Variants in ADCY8 observed in about 807,000 individuals in gnomAD.
ADCY8 encodes the protein adenylate cyclase 8, also known as adenylate cyclase type 8.
ADCY8 carries 51 observed loss-of-function variants against 119.7 expected under a neutral mutation model. The observed-to-expected ratio is 0.43, with a 90% CI of 0.34 to 0.54. ADCY8 has a LOEUF of 0.54. ADCY8 is among the 20% of genes least tolerant of loss of function. The pLI, the probability that ADCY8 is intolerant of heterozygous loss-of-function variation, is 0.03. For synonymous variants in ADCY8, 665 were observed against 651.0 expected (o/e 1.02, Z -0.33); for missense variants, 1,383 against 1,598.8 (o/e 0.87, Z 2.30).
At position 130,841,416 on chromosome 8, in the gene ADCY8, C is replaced by A. The variant is rs151131852; in HGVS notation, c.2503-4967G>T. Among the ~76,000 whole-genome samples the A allele has an allele frequency of 8.7e-4, 132 of 152,262 alleles. 2 individuals are homozygous for A. In the East Asian group the frequency reaches 0.025, roughly 29 times the overall value. On this transcript the variant is annotated intron_variant, in intron 11 of 17. Coordinates refer to ENST00000286355, the MANE Select transcript of ADCY8 (RefSeq NM_001115.3). ...ATGTCTGTACTGAAAAAATTGGAAT[C>A]TCATGATATGACAAGGTGTTAAGGG...
chr8:130,816,394 C>T (rs1405670869), intron 13 of ADCY8, among the ~76,000 whole-genome samples: 2 of 151,134 alleles, frequency 1.3e-5, no homozygotes, highest in African/African-American at 4.9e-5. Context: ...CACATGCATG[C>T]ACACACACAT....
chr8:130,810,589 A>G (rs1554602643), intron 14 of ADCY8, among the ~76,000 whole-genome samples: 2 of 152,220 alleles, frequency 1.3e-5, no homozygotes. Context: ...AATAGAATGA[A>G]AGATAATTTT....
chr8:130,927,562 G>T (rs144865716), intron 5 of ADCY8, among the ~76,000 whole-genome samples: 1 of 152,164 alleles, frequency 6.6e-6, no homozygotes, highest in Non-Finnish European at 1.5e-5. Flanking sequence ...TATCTTAATC[G>T]TTTCTTTCGT....
At chr8:131,024,186 C>T (rs187752439) in intron 1 of ADCY8, among the ~76,000 whole-genome samples, 4 of 152,240 alleles carry the variant, frequency 2.6e-5, no homozygotes, top group Admixed American at 2.0e-4. Flanking sequence ...ACCACTGTCG[C>T]GTGTTTGGCA....
At chr8:130,847,606 C>A (rs1238063813) in intron 10 of ADCY8, 93 bp from the exon 11 acceptor site, 3 of 1,076,462 alleles carry the variant, frequency 2.8e-6, no homozygotes, top group Non-Finnish European at 4.1e-6. Flanking sequence ...AGTGTGCTAT[C>A]AGTGGCTGGG....
intron 8 of ADCY8, among the ~76,000 whole-genome samples, chr8:130,882,426 C>T (rs1250230973): frequency 1.3e-5 from 2 of 152,118 alleles, no homozygotes; most frequent in African/African-American, 2.4e-5. Context: ...TGTAAACTCC[C>T]TCTCTGTGCC....
At chr8:130,961,348 G>T (rs139868182) in intron 2 of ADCY8, among the ~76,000 whole-genome samples, 2,689 of 152,076 alleles carry the variant, frequency 0.018, 92 homozygotes, top group African/African-American at 0.06. Context: ...GACCTCAAGT[G>T]ATCCACCCAC....
chr8:130,814,075 G>A lies in ADCY8; in HGVS notation c.2907C>T (p.Asp969=), dbSNP rs1389318982. The change falls in exon 14 of 18, where the codon GAC becomes GAT. Residue 969 remains aspartate, a synonymous_variant. Transcript: ENST00000286355. ...VARHFLEKDR[D]NEELYSQSYD... is the part of the protein sequence containing the mutation. The stretch of plus-strand genomic sequence containing the variant: ...AGACCAGCCCCTGGCTCACCTCATT[G>A]TCTCGGTCCTTCTCTAGGAAATGGC... 6.2e-7 allele frequency: 1 copy of A among 1,614,040 alleles called. No homozygotes were observed. Among genetic ancestry groups the A allele is most frequent in the Admixed American group, 1.7e-5 (1 of 60,016 alleles).
intron 11 of ADCY8, 43 bp from the exon 12 acceptor site, chr8:130,836,492 C>A (rs999960883): frequency 5.7e-6 from 9 of 1,591,452 alleles, no homozygotes; most frequent in Non-Finnish European, 7.7e-6. Context: ...ATGGGGGCAG[C>A]AGTTCCCTCT....
At chr8:130,992,250 TTG>T (rs1259496985) in intron 1 of ADCY8, among the ~76,000 whole-genome samples, 1 of 147,524 alleles carries the variant, frequency 6.8e-6, no homozygotes, top group African/African-American at 2.5e-5. Flanking sequence ...CAGCTAATTT[TTG>T]TATTTTTAGT....
intron 2 of ADCY8, among the ~76,000 whole-genome samples, chr8:130,987,746 G>T (rs1042824393): frequency 4.6e-5 from 7 of 151,842 alleles, no homozygotes; most frequent in Non-Finnish European, 8.8e-5. Context: ...GAATTCATTT[G>T]TCAATGACAC....
At chr8:130,823,479 A>C (rs1028735188) in intron 12 of ADCY8, among the ~76,000 whole-genome samples, 3 of 151,852 alleles carry the variant, frequency 2.0e-5, no homozygotes, top group South Asian at 2.1e-4. Flanking sequence ...GTTGCCAGGG[A>C]CTTAAAACCA....
chr8:131,040,496 T>C lies in ADCY8; in HGVS notation c.-163A>G. 1.2e-6 allele frequency: 1 copy of C among 857,034 alleles called. No homozygotes were observed. Among genetic ancestry groups the C allele is most frequent in the Non-Finnish European group, 1.6e-6 (1 of 624,742 alleles). The allele number at this position is 857,034 out of a possible 1,614,324, so 53.1% of individuals were successfully genotyped here. A position where few individuals can be genotyped will look rare whatever the true frequency, so the allele number is the denominator to read the frequency against. On this transcript the variant is annotated 5_prime_UTR_variant, in exon 1 of 18. Coordinates refer to ENST00000286355, the MANE Select transcript of ADCY8 (RefSeq NM_001115.3). ...GCGCTAGGGCTCCCTGTAGGTCGGG[T>C]CATACTGTGCCCAGGGGCAAAGGGC...
At chr8:130,922,138 C>G (rs1820327297) in intron 5 of ADCY8, among the ~76,000 whole-genome samples, 1 of 152,024 alleles carries the variant, frequency 6.6e-6, no homozygotes, top group Non-Finnish European at 1.5e-5. Context: ...AGCAGTAAGT[C>G]TCTCACTAGA....
intron 7 of ADCY8, among the ~76,000 whole-genome samples, chr8:130,890,310 C>T (rs1819141338): frequency 6.6e-6 from 1 of 152,014 alleles, no homozygotes; most frequent in Admixed American, 6.6e-5. Context: ...TGTAACTAAC[C>T]TGCACGTTGT....
chr8:130,883,433 A>G (rs1488790325), intron 8 of ADCY8, among the ~76,000 whole-genome samples: 1 of 152,198 alleles, frequency 6.6e-6, no homozygotes, highest in Non-Finnish European at 1.5e-5. Context: ...ACATAGACAC[A>G]ATCCATCTCA....
In ADCY8 at chr8:131,007,628, G is replaced by A. The variant is rs1253025071; in HGVS notation, c.961-17086C>T. On this transcript the variant is annotated intron_variant, in intron 1 of 17. Coordinates refer to ENST00000286355, the MANE Select transcript of ADCY8 (RefSeq NM_001115.3). ...TAAATTATTGCTAGATAAATGAGAG[G>A]TGTGCAGCTTCATTTACAAATCTGT... Among the ~76,000 whole-genome samples, 5 of 152,332 alleles carry A rather than the reference G, an allele frequency of 3.3e-5. No individual in the cohort carries two copies. The East Asian group carries it at 7.7e-4, about 23-fold the overall frequency.
At chr8:130,891,962 A>G (rs1437138139) in intron 7 of ADCY8, 2 of 152,178 alleles carry the variant, frequency 1.3e-5, no homozygotes, top group Non-Finnish European at 2.9e-5. Context: ...GTTAGAAATC[A>G]TGCTTACTTT....
intron 9 of ADCY8, among the ~76,000 whole-genome samples, chr8:130,864,616 A>C (rs768417746): frequency 6.6e-6 from 1 of 152,012 alleles, no homozygotes; most frequent in Non-Finnish European, 1.5e-5. Flanking sequence ...CCTACTGATT[A>C]TTTCCTTGGC....
Sources: allele counts gnomAD v4.1 joint callset (sites outside exome capture counted in the v4.1 genomes callset), GRCh38; gene constraint gnomAD v4.1.1; transcripts MANE v1.5; gene names NCBI Gene and HGNC (gene_info 2026-07-23, HGNC 2026-07-21).